LRRC4C: variants seen among roughly 807,000 people sequenced by gnomAD.
LRRC4C encodes the protein leucine-rich repeat-containing protein 4C.
A neutral mutation model predicts 33.6 loss-of-function variants in LRRC4C; 5 were observed. That is an observed-to-expected ratio of 0.15 (90% CI 0.08 to 0.31). LRRC4C has a LOEUF of 0.31. LRRC4C is among the 10% of genes least tolerant of loss of function. The pLI is 1.00. For missense variants in LRRC4C, 560 were observed against 796.7 expected (o/e 0.70, Z 3.58); for synonymous variants, 329 against 302.0 (o/e 1.09, Z -0.93).
At chr11:40,244,733 G>GTT (rs932328078) in intron 4 of LRRC4C, among the ~76,000 whole-genome samples, 1 of 148,328 alleles carries the variant, frequency 6.7e-6, no homozygotes, top group Non-Finnish European at 1.5e-5. Flanking sequence ...TAAGGGGAAG[G>GTT]TTTTTTTTTT....
intron 2 of LRRC4C, among the ~76,000 whole-genome samples, chr11:40,846,221 G>T (rs1198968898): frequency 1.3e-5 from 2 of 152,028 alleles, no homozygotes; most frequent in East Asian, 3.9e-4. Flanking sequence ...TGTTGCCATT[G>T]CTTTTGGTGT....
chr11:41,273,411 C>T (rs1426763081), intron 1 of LRRC4C, among the ~76,000 whole-genome samples: 1 of 152,042 alleles, frequency 6.6e-6, no homozygotes, highest in Non-Finnish European at 1.5e-5. Flanking sequence ...ATTATTCAGC[C>T]TTAAAAAATA....
At chr11:41,313,980 T>G (rs1037668178) in intron 1 of LRRC4C, among the ~76,000 whole-genome samples, 1 of 152,212 alleles carries the variant, frequency 6.6e-6, no homozygotes, top group Non-Finnish European at 1.5e-5. Flanking sequence ...TGAATAATTT[T>G]GGGTATACTG....
At chr11:40,218,468 T>G (rs1864131727) in intron 5 of LRRC4C, among the ~76,000 whole-genome samples, 1 of 152,130 alleles carries the variant, frequency 6.6e-6, no homozygotes, top group African/African-American at 2.4e-5. Flanking sequence ...GAATCTGAAA[T>G]AAGAATATGT....
intron 2 of LRRC4C, among the ~76,000 whole-genome samples, chr11:40,708,492 G>C (rs1048531722): frequency 2.0e-5 from 3 of 152,142 alleles, no homozygotes; most frequent in Non-Finnish European, 4.4e-5. Flanking sequence ...TTCAGGAGCA[G>C]GTTGTTCAGT....
At chr11:41,220,239 A>G (rs1420754605) in intron 1 of LRRC4C, among the ~76,000 whole-genome samples, 3 of 152,186 alleles carry the variant, frequency 2.0e-5, no homozygotes, top group Non-Finnish European at 2.9e-5. Flanking sequence ...ACTGATTGTT[A>G]TACCAAAGTG....
chr11:40,605,377 A>G (rs980118380), intron 3 of LRRC4C, among the ~76,000 whole-genome samples: 2 of 152,174 alleles, frequency 1.3e-5, no homozygotes, highest in African/African-American at 4.8e-5. Context: ...GCAGAATAGG[A>G]AGTCCCAGAC....
intron 3 of LRRC4C, among the ~76,000 whole-genome samples, chr11:40,643,714 GAAGTCT>G (rs1942262730): frequency 6.6e-6 from 1 of 152,102 alleles, no homozygotes; most frequent in Non-Finnish European, 1.5e-5. Context: ...GGTATCAATG[GAAGTCT>G]AATGGGAGCT....
At chr11:40,436,035 T>A (rs1460525332) in intron 3 of LRRC4C, among the ~76,000 whole-genome samples, 1 of 152,212 alleles carries the variant, frequency 6.6e-6, no homozygotes, top group African/African-American at 2.4e-5. Context: ...AATTAAGTCC[T>A]ATCCTTCTTT....
intron 6 of LRRC4C, among the ~76,000 whole-genome samples, chr11:40,124,969 G>T (rs1182150478): frequency 6.7e-6 from 1 of 149,044 alleles, no homozygotes; most frequent in African/African-American, 2.4e-5. Flanking sequence ...TTTAAAAAAA[G>T]AATATATATA....
At chr11:41,430,794 A>G (rs988449664) in intron 1 of LRRC4C, among the ~76,000 whole-genome samples, 1 of 151,374 alleles carries the variant, frequency 6.6e-6, no homozygotes, top group African/African-American at 2.4e-5. Context: ...ATTTTTGTGT[A>G]TATATATATA....
chr11:41,229,993 G>A (rs1212968832), intron 1 of LRRC4C, among the ~76,000 whole-genome samples: 2 of 151,974 alleles, frequency 1.3e-5, no homozygotes, highest in Non-Finnish European at 2.9e-5. Flanking sequence ...AATACCAGAT[G>A]TCCTTTTTGC....
At chr11:40,565,773 CA>C (rs1286734263) in intron 3 of LRRC4C, among the ~76,000 whole-genome samples, 1 of 151,790 alleles carries the variant, frequency 6.6e-6, no homozygotes, top group African/African-American at 2.4e-5. Context: ...CCTAAAGGAG[CA>C]AAAAATGTCT....
At chr11:40,546,705 A>G (rs1315225914) in intron 3 of LRRC4C, among the ~76,000 whole-genome samples, 1 of 152,090 alleles carries the variant, frequency 6.6e-6, no homozygotes, top group African/African-American at 2.4e-5. Flanking sequence ...AATATATACC[A>G]CCAATCATCA....
chr11:40,916,248 G>GTT (rs1245764268), intron 2 of LRRC4C, among the ~76,000 whole-genome samples: 1 of 152,134 alleles, frequency 6.6e-6, no homozygotes, highest in Non-Finnish European at 1.5e-5. Context: ...ACATGCACAT[G>GTT]TATGTTTATT....
rs1591242530 is a variant in LRRC4C, at chr11:40,601,707, G to C, written c.-270+46435C>G. ...AGAAGGCACTTGAATATTTTCTCATGAGTGTGTTATAAATTACATGACAAG... is the reference window on the plus strand; with the variant it reads ...AGAAGGCACTTGAATATTTTCTCATCAGTGTGTTATAAATTACATGACAAG... On this transcript the variant is annotated intron_variant, in intron 3 of 6. Coordinates refer to ENST00000528697, the MANE Select transcript of LRRC4C (RefSeq NM_001258419.2). Among the ~76,000 whole-genome samples, 4 of 152,238 alleles carry C rather than the reference G, an allele frequency of 2.6e-5. No individual in the cohort carries two copies. In the South Asian group the frequency reaches 8.3e-4, roughly 32 times the overall value.
intron 1 of LRRC4C, among the ~76,000 whole-genome samples, chr11:41,190,897 C>A (rs1000078378): frequency 6.6e-6 from 1 of 152,106 alleles, no homozygotes; most frequent in Non-Finnish European, 1.5e-5. Flanking sequence ...TAATGTCTCT[C>A]GCTACAGTAA....
chr11:40,150,338 T>C (rs1199842122), intron 5 of LRRC4C, among the ~76,000 whole-genome samples: 2 of 152,242 alleles, frequency 1.3e-5, no homozygotes, highest in African/African-American at 4.8e-5. Context: ...TGTAAAACCA[T>C]CCAACATACT....
At position 41,404,395 on chromosome 11, in the gene LRRC4C, G is replaced by C. The variant is rs1026155668; in HGVS notation, c.-496+55036C>G. ...TGGGACTAATTTTTCAATTAGTGGA[G>C]ATGGCCCAGGTATTTTCAGAACTGG... On this transcript the variant is annotated intron_variant, in intron 1 of 6. Transcript: ENST00000528697. Among the ~76,000 whole-genome samples, 3 of 151,928 alleles carry C rather than the reference G, an allele frequency of 2.0e-5. No homozygotes were observed. In the South Asian group the frequency reaches 6.2e-4, roughly 32 times the overall value.
Sources: allele counts gnomAD v4.1 joint callset (sites outside exome capture counted in the v4.1 genomes callset), GRCh38; gene constraint gnomAD v4.1.1; transcripts MANE v1.5; gene names NCBI Gene and HGNC (gene_info 2026-07-23, HGNC 2026-07-21).